PTPRM: variants seen among roughly 807,000 people sequenced by gnomAD.
PTPRM encodes receptor-type tyrosine-protein phosphatase mu.
In PTPRM, 47 loss-of-function variants were observed where a neutral mutation model predicts 186.7. The ratio of observed to expected loss-of-function variants is 0.25; its 90% CI spans 0.20 to 0.32. PTPRM has a LOEUF of 0.32. PTPRM is among the 10% of genes least tolerant of loss of function. The probability of loss-of-function intolerance (pLI) is 1.00; values close to 1 mark genes in which losing one functional copy is unlikely to be tolerated. For synonymous variants in PTPRM, 668 were observed against 674.9 expected (o/e 0.99, Z 0.16); for missense variants, 1,494 against 1,865.0 (o/e 0.80, Z 3.66).
intron 13 of PTPRM, among the ~76,000 whole-genome samples, chr18:8,129,234 T>C (rs1466169866): frequency 1.3e-5 from 1 of 79,656 alleles, no homozygotes; most frequent in Non-Finnish European, 3.4e-5. Flanking sequence ...ATTATTTCAA[T>C]TTTTAAGTAA....
At chr18:7,702,978 G>C (rs2039998588) in intron 1 of PTPRM, among the ~76,000 whole-genome samples, 1 of 152,168 alleles carries the variant, frequency 6.6e-6, no homozygotes, top group African/African-American at 2.4e-5. Flanking sequence ...GTCAAAGACT[G>C]GGTTGTTGTA....
intron 32 of PTPRM, among the ~76,000 whole-genome samples, chr18:8,398,568 C>G (rs1170549789): frequency 6.6e-6 from 1 of 151,996 alleles, no homozygotes; most frequent in Non-Finnish European, 1.5e-5. Context: ...GAGTTTGAGA[C>G]CAGCCTGGCC....
intron 32 of PTPRM, among the ~76,000 whole-genome samples, chr18:8,395,758 C>T (rs534933175): frequency 2.6e-5 from 4 of 152,296 alleles, no homozygotes; most frequent in South Asian, 2.1e-4. Flanking sequence ...CCCCACCCTA[C>T]GGGGAGCCCA....
chr18:7,610,113 G>GT (rs2037635659), intron 1 of PTPRM, among the ~76,000 whole-genome samples: 1 of 152,124 alleles, frequency 6.6e-6, no homozygotes. Flanking sequence ...AGCTGATAAG[G>GT]TAAATGGTCA....
chr18:7,650,785 A>G (rs2038682815), intron 1 of PTPRM, among the ~76,000 whole-genome samples: 1 of 152,034 alleles, frequency 6.6e-6, no homozygotes, highest in Non-Finnish European at 1.5e-5. Flanking sequence ...TCCTTTCAAC[A>G]AATGATGTCA....
intron 7 of PTPRM, among the ~76,000 whole-genome samples, chr18:8,064,821 G>A (rs1360395319): frequency 1.3e-5 from 2 of 152,160 alleles, no homozygotes; most frequent in East Asian, 3.9e-4. Context: ...GAATTTTGGG[G>A]TAGGCCACTA....
chr18:8,019,473 C>G (rs1268493933), intron 7 of PTPRM, among the ~76,000 whole-genome samples: 1 of 152,058 alleles, frequency 6.6e-6, no homozygotes, highest in Non-Finnish European at 1.5e-5. Context: ...GGTCATATTT[C>G]TGATTTGGTC....
At chr18:7,718,969 A>T (rs1189166699) in intron 1 of PTPRM, among the ~76,000 whole-genome samples, 1 of 152,234 alleles carries the variant, frequency 6.6e-6, no homozygotes, top group Non-Finnish European at 1.5e-5. Flanking sequence ...TAGTACAACC[A>T]CTATGGAAAA....
intron 1 of PTPRM, among the ~76,000 whole-genome samples, chr18:7,636,816 G>A (rs2038325321): frequency 6.6e-6 from 1 of 152,140 alleles, no homozygotes; most frequent in South Asian, 2.1e-4. Context: ...TGAAGAGAAA[G>A]CAACAGGCAT....
intron 1 of PTPRM, among the ~76,000 whole-genome samples, chr18:7,586,623 A>T (rs1275642787): frequency 6.6e-6 from 1 of 152,174 alleles, no homozygotes; most frequent in Admixed American, 6.5e-5. Flanking sequence ...CATCTGACTT[A>T]AAAGCCTGTA....
At chr18:7,946,192 C>T (rs2052512845) in intron 5 of PTPRM, among the ~76,000 whole-genome samples, 1 of 152,162 alleles carries the variant, frequency 6.6e-6, no homozygotes, top group Non-Finnish European at 1.5e-5. Flanking sequence ...CTTGAGTGCC[C>T]TCAGTATAGC....
chr18:8,248,303 G>A (rs935358728), intron 17 of PTPRM, 127 bp downstream of exon 17: 2 of 914,946 alleles, frequency 2.2e-6, no homozygotes, highest in African/African-American at 1.6e-5. Flanking sequence ...TGTGGGAGGT[G>A]GGTGGCCTGG....
chr18:7,887,846 A>G (rs1399206694), intron 2 of PTPRM, among the ~76,000 whole-genome samples: 1 of 152,210 alleles, frequency 6.6e-6, no homozygotes, highest in African/African-American at 2.4e-5. Flanking sequence ...ACATTATGCT[A>G]CATTTCTGTT....
intron 7 of PTPRM, among the ~76,000 whole-genome samples, chr18:7,958,041 A>G (rs2053427812): frequency 1.3e-5 from 2 of 152,120 alleles, no homozygotes; most frequent in Non-Finnish European, 2.9e-5. Flanking sequence ...TCCTTCCTGT[A>G]TGGTTCAAAA....
chr18:8,243,063 T>C (rs963509583), intron 14 of PTPRM, among the ~76,000 whole-genome samples: 1 of 152,246 alleles, frequency 6.6e-6, no homozygotes, highest in African/African-American at 2.4e-5. Context: ...ATTCTCATCT[T>C]GTCTGTCTTG....
intron 5 of PTPRM, among the ~76,000 whole-genome samples, chr18:7,948,932 T>C (rs2052742964): frequency 6.6e-6 from 1 of 152,196 alleles, no homozygotes; most frequent in African/African-American, 2.4e-5. Flanking sequence ...AACATAATAT[T>C]TTGAAGAGGC....
chr18:7,848,052 A>G (rs2046684813), intron 2 of PTPRM, among the ~76,000 whole-genome samples: 1 of 152,178 alleles, frequency 6.6e-6, no homozygotes, highest in Non-Finnish European at 1.5e-5. Context: ...ACCCAAATGT[A>G]TTTACATTTC....
Position 8,231,514 on chromosome 18 carries a change from ATCGGTTGTGAT to A in PTPRM, c.2301-12541_2301-12531del, listed in dbSNP as rs201156517. Among the ~76,000 whole-genome samples, 40 of 152,302 alleles carry A rather than the reference ATCGGTTGTGAT, an allele frequency of 2.6e-4. 1 individual carries two copies. In the East Asian group the frequency reaches 7.7e-3, roughly 29 times the overall value. ...GTTCATTCTTCACCATGGTTTCTTTATCGGTTGTGATTCATACCCATCATAAACATAATAAC... is the reference window on the plus strand; with the variant it reads ...GTTCATTCTTCACCATGGTTTCTTTATCATACCCATCATAAACATAATAAC... On this transcript the variant is annotated intron_variant, in intron 14 of 32. Coordinates refer to ENST00000580170, the MANE Select transcript of PTPRM (RefSeq NM_001105244.2).
intron 1 of PTPRM, among the ~76,000 whole-genome samples, chr18:7,732,500 T>G (rs1282194002): frequency 1.3e-5 from 2 of 152,184 alleles, no homozygotes; most frequent in Non-Finnish European, 2.9e-5. Flanking sequence ...ATTTTTTATT[T>G]TTAAAAATAT....
Sources: allele counts gnomAD v4.1 joint callset (sites outside exome capture counted in the v4.1 genomes callset), GRCh38; gene constraint gnomAD v4.1.1; transcripts MANE v1.5; gene names NCBI Gene and HGNC (gene_info 2026-07-23, HGNC 2026-07-21).